KIF26B: variants seen among roughly 807,000 people sequenced by gnomAD.
KIF26B encodes the protein kinesin family member 26B, also known as kinesin-like protein KIF26B.
Under a neutral mutation model 151.2 loss-of-function variants are expected in KIF26B, and 63 were observed. The ratio of observed to expected loss-of-function variants is 0.42; its 90% CI spans 0.34 to 0.51. KIF26B has a LOEUF of 0.51. Ranked by LOEUF, KIF26B falls within the 20% of genes least tolerant of loss-of-function variation. KIF26B has a pLI of 0.07. For synonymous variants in KIF26B, 1,357 were observed against 1,262.1 expected, an observed-to-expected ratio of 1.08 and a Z score of -1.59; for missense variants, 2,813 against 2,913.6, an observed-to-expected ratio of 0.97 and a Z score of 0.79.
At chr1:245,664,323 C>T (rs1003292525) in intron 10 of KIF26B, among the ~76,000 whole-genome samples, 4 of 149,954 alleles carry the variant, frequency 2.7e-5, no homozygotes, top group Admixed American at 6.7e-5. Flanking sequence ...CACGCCATTG[C>T]ACTCCAGCCT....
chr1:245,362,261 G>A (rs1432608912), intron 2 of KIF26B, among the ~76,000 whole-genome samples: 2 of 151,272 alleles, frequency 1.3e-5, no homozygotes, highest in African/African-American at 4.9e-5. Flanking sequence ...GGGTGCGGTG[G>A]CTCATGCCGG....
chr1:245,642,491 G>A (rs2043902859), intron 9 of KIF26B, among the ~76,000 whole-genome samples: 1 of 149,148 alleles, frequency 6.7e-6, no homozygotes, highest in Admixed American at 6.7e-5. Flanking sequence ...AACCCAGGAG[G>A]CAGAGTTTTC....
chr1:245,438,913 G>A (rs774786785), intron 4 of KIF26B, among the ~76,000 whole-genome samples: 15 of 152,304 alleles, frequency 9.8e-5, no homozygotes, highest in South Asian at 6.2e-4. Context: ...GGGAGGAACC[G>A]ATTACAAAGG....
At chr1:245,441,271 A>G (rs942636629) in intron 4 of KIF26B, among the ~76,000 whole-genome samples, 5 of 152,176 alleles carry the variant, frequency 3.3e-5, no homozygotes, top group Non-Finnish European at 5.9e-5. Flanking sequence ...GAAAGTGAAG[A>G]TGCAGGAAGC....
chr1:245,459,845 A>C (rs1181647779), intron 4 of KIF26B, among the ~76,000 whole-genome samples: 2 of 152,020 alleles, frequency 1.3e-5, no homozygotes, highest in African/African-American at 4.8e-5. Flanking sequence ...CCTGTGATTC[A>C]GGTTGCCACC....
chr1:245,602,493 G>T lies in KIF26B; in HGVS notation c.1351-84G>T. On this transcript the variant is annotated intron_variant, in intron 5 of 14. Coordinates refer to ENST00000407071, the MANE Select transcript of KIF26B (RefSeq NM_018012.4). This position sits in a 1 kb window ranked among gnomAD's most constrained non-coding sequence, Gnocchi z 4.5. Reference sequence around the variant, plus strand: ...GAAAGTTCAGTGCTGCCATGTGCATGTATATCGCAGAGTATACAAGGGTGC... The same window carrying T: ...GAAAGTTCAGTGCTGCCATGTGCATTTATATCGCAGAGTATACAAGGGTGC... 9.7e-7 allele frequency: 1 copy of T among 1,026,322 alleles called. No homozygotes were observed. The highest frequency in any genetic ancestry group is 1.5e-6 in the Non-Finnish European group (1 of 675,240). 63.6% of individuals were successfully genotyped at this position (1,026,322 alleles called of 1,614,324 possible). A position where few individuals can be genotyped will look rare whatever the true frequency, so the allele number is the denominator to read the frequency against.
chr1:245,642,462 G>A (rs2043902359), intron 9 of KIF26B, among the ~76,000 whole-genome samples: 1 of 150,994 alleles, frequency 6.6e-6, no homozygotes, highest in Non-Finnish European at 1.5e-5. Context: ...TCGGGAGGCT[G>A]AGGCAGGAGA....
chr1:245,605,623 G>A (rs1451009974), intron 6 of KIF26B, among the ~76,000 whole-genome samples: 1 of 152,146 alleles, frequency 6.6e-6, no homozygotes, highest in African/African-American at 2.4e-5. Context: ...CTGGACTTGT[G>A]GGCAGGCAGA....
intron 3 of KIF26B, among the ~76,000 whole-genome samples, chr1:245,387,631 G>A (rs1477401822): frequency 6.6e-6 from 1 of 152,118 alleles, no homozygotes; most frequent in African/African-American, 2.4e-5. Context: ...GGTCTAGACT[G>A]CAGTGAGCTA....
At chr1:245,242,989 G>A (rs188396866) in intron 2 of KIF26B, among the ~76,000 whole-genome samples, 35 of 152,200 alleles carry the variant, frequency 2.3e-4, no homozygotes, top group Admixed American at 3.3e-4. Context: ...TGGACATTTC[G>A]GATTTTTCCC....
chr1:245,491,093 G>A (rs1246463011), intron 4 of KIF26B, among the ~76,000 whole-genome samples: 1 of 151,876 alleles, frequency 6.6e-6, no homozygotes, highest in Non-Finnish European at 1.5e-5. Context: ...TGAGATTGGA[G>A]TTTGTCCCAT....
At chr1:245,690,353 C>T (rs2044608307) in intron 12 of KIF26B, among the ~76,000 whole-genome samples, 1 of 152,100 alleles carries the variant, frequency 6.6e-6, no homozygotes, top group African/African-American at 2.4e-5. Context: ...TGCAGGGATC[C>T]GTGCCCGCAG....
chr1:245,687,468 A>G lies in KIF26B; in HGVS notation c.4485A>G (p.Gly1495=), dbSNP rs1358326417. The G allele has an allele frequency of 6.3e-7, 1 of 1,586,478 alleles. No individual in the cohort carries two copies. Among genetic ancestry groups the G allele is most frequent in the East Asian group, 2.3e-5 (1 of 43,384 alleles). ...SPGDRLSSSS[G]EVSASPVTDN... ...GAGACAGGCTCAGCAGCAGCAGCGG[A>G]GAGGTGTCGGCCTCCCCGGTCACTG... Residue 1495 remains glycine (G), a synonymous_variant, in exon 12 of 15, where the codon GGA becomes GGG. Transcript: ENST00000407071. This position sits in a 1 kb window ranked among gnomAD's most constrained non-coding sequence, Gnocchi z 4.9.
At chr1:245,392,715 T>C (rs887258165) in intron 3 of KIF26B, among the ~76,000 whole-genome samples, 8 of 152,348 alleles carry the variant, frequency 5.3e-5, no homozygotes, top group Admixed American at 1.3e-4. Context: ...GTGGAGCTAA[T>C]GGCATCCTTT....
At chr1:245,373,897 A>C (rs531821779) in intron 3 of KIF26B, among the ~76,000 whole-genome samples, 1 of 149,962 alleles carries the variant, frequency 6.7e-6, no homozygotes, top group South Asian at 2.1e-4. Context: ...CCTTCTCTAC[A>C]CAGAAATAAA....
At chr1:245,169,255 A>G (rs1668664778) in intron 2 of KIF26B, among the ~76,000 whole-genome samples, 1 of 151,732 alleles carries the variant, frequency 6.6e-6, no homozygotes, top group East Asian at 1.9e-4. Flanking sequence ...GTCCTCAGAC[A>G]TTCTACCCTT....
chr1:245,488,626 C>T lies in KIF26B; in HGVS notation c.1167-52141C>T, dbSNP rs934110851. ...GCCACAGATGCTATCACTCCTCTGC[C>T]GTGGCCCCATCCTCCTCTGTCTGGC... On this transcript the variant is annotated intron_variant, in intron 4 of 14. Transcript: ENST00000407071. This position sits in a 1 kb window ranked among gnomAD's most constrained non-coding sequence, Gnocchi z 4.6. Among the ~76,000 whole-genome samples the T allele has an allele frequency of 2.6e-5, 4 of 152,178 alleles. No individual in the cohort carries two copies. Among genetic ancestry groups the T allele is most frequent in the Non-Finnish European group, 4.4e-5 (3 of 68,034 alleles).
At chr1:245,420,801 T>C (rs928810052) in intron 4 of KIF26B, among the ~76,000 whole-genome samples, 6 of 152,202 alleles carry the variant, frequency 3.9e-5, no homozygotes, top group Non-Finnish European at 8.8e-5. Context: ...GAATATTGTG[T>C]GGCTTTGCTT....
At chr1:245,273,317 C>T (rs2102964475) in intron 2 of KIF26B, among the ~76,000 whole-genome samples, 1 of 151,646 alleles carries the variant, frequency 6.6e-6, no homozygotes, top group East Asian at 1.9e-4. Context: ...ACTTGGGAGG[C>T]TGAGGCCAGA....
Sources: allele counts gnomAD v4.1 joint callset (sites outside exome capture counted in the v4.1 genomes callset), GRCh38; gene constraint gnomAD v4.1.1; non-coding constraint Gnocchi (gnomAD v3.1); transcripts MANE v1.5; gene names NCBI Gene and HGNC (gene_info 2026-07-23, HGNC 2026-07-21).